DCDC2: variants seen among roughly 807,000 people sequenced by gnomAD.
DCDC2 encodes doublecortin domain containing 2, also known as doublecortin domain-containing protein 2.
Under a neutral mutation model 50.2 loss-of-function variants are expected in DCDC2, and 40 were observed. That is an observed-to-expected ratio of 0.80 (90% CI 0.62 to 1.04). DCDC2 has a LOEUF of 1.04. Among genes scored for constraint, DCDC2 ranks in the 50% least tolerant of loss-of-function variants. The probability of loss-of-function intolerance (pLI) is 0.00; values close to 1 mark genes in which losing one functional copy is unlikely to be tolerated. For missense variants in DCDC2, 570 were observed against 581.9 expected (o/e 0.98, Z 0.21); for synonymous variants, 234 against 210.6 (o/e 1.11, Z -0.96).
At chr6:24,328,037 T>A (rs535345653) in intron 2 of DCDC2, among the ~76,000 whole-genome samples, 57 of 152,358 alleles carry the variant, frequency 3.7e-4, no homozygotes, top group African/African-American at 1.3e-3. Context: ...AGACACTTTC[T>A]AAGTGAAGTA....
chr6:24,244,358 T>C (rs1051541446), intron 7 of DCDC2, among the ~76,000 whole-genome samples: 1 of 152,158 alleles, frequency 6.6e-6, no homozygotes, highest in African/African-American at 2.4e-5. Flanking sequence ...CATTTCAAAA[T>C]ACATCAGGGA....
At chr6:24,312,932 C>T (rs956136678) in intron 2 of DCDC2, among the ~76,000 whole-genome samples, 1 of 152,060 alleles carries the variant, frequency 6.6e-6, no homozygotes. Context: ...TAAGTAATAC[C>T]TTCTTTGGAA....
At chr6:24,358,353 G>A, upstream of DCDC2, 1 of 168,822 alleles carries the variant, frequency 5.9e-6, no homozygotes. Context: ...GCTTACGCCT[G>A]CAAATTCCAG....
chr6:24,206,356 A>G (rs922751101), intron 7 of DCDC2, among the ~76,000 whole-genome samples: 1 of 151,576 alleles, frequency 6.6e-6, no homozygotes, highest in Non-Finnish European at 1.5e-5. Context: ...TATACAGCCC[A>G]GTGAGGAAGG....
intron 7 of DCDC2, among the ~76,000 whole-genome samples, chr6:24,213,264 CTTAG>C (rs1188687488): frequency 2.0e-5 from 3 of 152,056 alleles, no homozygotes; most frequent in Non-Finnish European, 4.4e-5. Flanking sequence ...TTATAAAAAT[CTTAG>C]TTATCTATTA....
At chr6:24,185,699 A>G (rs1039403833) in intron 8 of DCDC2, among the ~76,000 whole-genome samples, 13 of 66,490 alleles carry the variant, frequency 2.0e-4, no homozygotes, top group African/African-American at 6.5e-4. Flanking sequence ...ACACACACAC[A>G]CACACACACA....
intron 7 of DCDC2, among the ~76,000 whole-genome samples, chr6:24,269,520 G>A (rs1364034096): frequency 6.6e-6 from 1 of 152,176 alleles, no homozygotes; most frequent in Non-Finnish European, 1.5e-5. Flanking sequence ...ACAAAGAAGA[G>A]AAAATGAAAT....
rs1020073134 is a variant in DCDC2 at position 24,247,350 on chromosome 6, A to T, written c.922+30699T>A. ...TTAACTATTTTTATATATATATATAAAATCACAGCAAATACCCATAACTTG... is the reference window on the plus strand; with the variant it reads ...TTAACTATTTTTATATATATATATATAATCACAGCAAATACCCATAACTTG... On this transcript the variant is annotated intron_variant, in intron 7 of 9. Coordinates refer to ENST00000378454, the MANE Select transcript of DCDC2 (RefSeq NM_016356.5). 3.8e-4 allele frequency among the ~76,000 whole-genome samples: 57 copies of T among 150,496 alleles called. 1 individual carries two copies. Among genetic ancestry groups the T allele is most frequent in the Non-Finnish European group, 1.2e-4 (8 of 67,452 alleles).
chr6:24,327,273 C>T (rs1539044), intron 2 of DCDC2, among the ~76,000 whole-genome samples: 144,087 of 148,894 alleles, frequency 0.97, 70,017 homozygotes, highest in East Asian at 0.99. Flanking sequence ...ATCTCTCTCC[C>T]TTACATAAGC....
At chr6:24,273,383 C>T (rs956711372) in intron 7 of DCDC2, among the ~76,000 whole-genome samples, 11 of 152,078 alleles carry the variant, frequency 7.2e-5, no homozygotes, top group Non-Finnish European at 1.5e-4. Context: ...CACCATGACA[C>T]AATACATCCA....
At chr6:24,180,591 G>A (rs1299797494) in intron 8 of DCDC2, among the ~76,000 whole-genome samples, 2 of 151,198 alleles carry the variant, frequency 1.3e-5, no homozygotes, top group African/African-American at 2.5e-5. Flanking sequence ...CCCGGCCCAG[G>A]GTTTTTTTTA....
At chr6:24,226,965 T>C (rs1290458072) in intron 7 of DCDC2, among the ~76,000 whole-genome samples, 1 of 152,202 alleles carries the variant, frequency 6.6e-6, no homozygotes, top group Non-Finnish European at 1.5e-5. Context: ...AGAGTAGTGT[T>C]CTGGGAGATT....
At chr6:24,299,508 C>G (rs1395177786) in intron 4 of DCDC2, among the ~76,000 whole-genome samples, 1 of 152,072 alleles carries the variant, frequency 6.6e-6, no homozygotes, top group Non-Finnish European at 1.5e-5. Context: ...AAAGAGGTAA[C>G]TGGTCTAAAA....
In DCDC2 at chr6:24,278,058, G is replaced by A; in HGVS notation, c.913C>T (p.Pro305Ser). ...ATAATAACACACTTACCACTATTTG[G>A]AATGGTTTCTTGTGAATTCTTTAAT... ...VKLKNSQETI[P>S]NSDEGIFKAG... Residue 305 changes from proline (P) to serine (S), a missense_variant, in exon 7 of 10, where the codon CCA becomes TCA. Physicochemically the swap from Pro to Ser is moderately conservative, Grantham distance 74. Coordinates refer to ENST00000378454, the MANE Select transcript of DCDC2 (RefSeq NM_016356.5). 2 of 1,609,270 alleles carry A rather than the reference G, an allele frequency of 1.2e-6. No individual in the cohort carries two copies. The highest frequency in any genetic ancestry group is 1.1e-5 in the South Asian group (1 of 90,462).
intron 8 of DCDC2, among the ~76,000 whole-genome samples, chr6:24,182,644 A>AAAAAAAC (rs1554142848): frequency 2.0e-5 from 3 of 150,208 alleles, no homozygotes; most frequent in Non-Finnish European, 4.4e-5. Flanking sequence ...AAAAAAAAAA[A>AAAAAAAC]CAGAAGAAAA....
At chr6:24,302,292 T>TG (rs1372574637) in intron 2 of DCDC2, among the ~76,000 whole-genome samples, 80 of 31,302 alleles carry the variant, frequency 2.6e-3, no homozygotes, top group Admixed American at 0.011. Context: ...TCATGATCTG[T>TG]GGAAAAAAAA....
At chr6:24,179,021 C>T (rs186841088) in intron 8 of DCDC2, among the ~76,000 whole-genome samples, 1 of 151,968 alleles carries the variant, frequency 6.6e-6, no homozygotes, top group African/African-American at 2.4e-5. Flanking sequence ...TCTAGTGAAG[C>T]ACCTGGCCCA....
intron 4 of DCDC2, 124 bp from the exon 5 acceptor site, chr6:24,291,202 C>T: frequency 2.1e-6 from 2 of 940,910 alleles, no homozygotes; most frequent in Non-Finnish European, 3.2e-6. Context: ...ACATTCTGTA[C>T]TTAATTTAGC....
At chr6:24,349,828 A>T (rs1561784147) in intron 2 of DCDC2, among the ~76,000 whole-genome samples, 1 of 152,140 alleles carries the variant, frequency 6.6e-6, no homozygotes, top group Admixed American at 6.6e-5. Flanking sequence ...AATCCAGGAG[A>T]TCTGTTTATT....
Sources: allele counts gnomAD v4.1 joint callset (sites outside exome capture counted in the v4.1 genomes callset), GRCh38; gene constraint gnomAD v4.1.1; transcripts MANE v1.5; gene names NCBI Gene and HGNC (gene_info 2026-07-23, HGNC 2026-07-21).